The following CDIN1 variants were observed in gnomAD, a reference collection of about 807,000 sequenced individuals.
CDIN1 encodes CDAN1-interacting nuclease 1.
In CDIN1, 33 loss-of-function variants were observed where a neutral mutation model predicts 45.3. The observed-to-expected ratio is 0.73, with a 90% CI of 0.55 to 0.97. The LOEUF is 0.97. Among genes scored for constraint, CDIN1 ranks in the 50% least tolerant of loss-of-function variants. The pLI is 0.00. For synonymous variants in CDIN1, 118 were observed against 124.4 expected, an observed-to-expected ratio of 0.95 and a Z score of 0.34; for missense variants, 303 against 339.4, an observed-to-expected ratio of 0.89 and a Z score of 0.84.
intron 1 of CDIN1, among the ~76,000 whole-genome samples, chr15:36,625,543 G>T (rs920771697): frequency 6.6e-6 from 1 of 152,102 alleles, no homozygotes; most frequent in Non-Finnish European, 1.5e-5. Context: ...TTGAAATTTA[G>T]GGGAAAAAAT....
chr15:36,791,537 A>T (rs2054645747), intron 10 of CDIN1, among the ~76,000 whole-genome samples: 1 of 152,218 alleles, frequency 6.6e-6, no homozygotes, highest in South Asian at 2.1e-4. Context: ...TATGGATTTT[A>T]TTATACCATA....
At chr15:36,725,773 C>T (rs974679794) in intron 10 of CDIN1, among the ~76,000 whole-genome samples, 3 of 151,888 alleles carry the variant, frequency 2.0e-5, no homozygotes, top group Non-Finnish European at 4.4e-5. Flanking sequence ...TTTAGTATAT[C>T]ATGGTGGCAT....
At chr15:36,762,882 C>T (rs1405149744) in intron 10 of CDIN1, among the ~76,000 whole-genome samples, 1 of 152,088 alleles carries the variant, frequency 6.6e-6, no homozygotes, top group Non-Finnish European at 1.5e-5. Context: ...TTTCTTAATC[C>T]AGTCTATCAT....
intron 1 of CDIN1, chr15:36,613,966 C>G (rs2038769916): frequency 6.5e-7 from 1 of 1,537,136 alleles, no homozygotes; most frequent in Admixed American, 1.7e-5. Context: ...ACTGATGGAC[C>G]AGAACCTGAA....
chr15:36,764,498 A>T (rs149251790), intron 10 of CDIN1, among the ~76,000 whole-genome samples: 1 of 152,174 alleles, frequency 6.6e-6, no homozygotes, highest in Non-Finnish European at 1.5e-5. Flanking sequence ...ATGGGGTTGT[A>T]TGGAAAAAAG....
intron 10 of CDIN1, among the ~76,000 whole-genome samples, chr15:36,794,061 A>T (rs369038487): frequency 1.1e-3 from 135 of 121,278 alleles, no homozygotes; most frequent in African/African-American, 2.0e-3. Context: ...CATCATAACT[A>T]TTTTTTTTTT....
intron 10 of CDIN1, among the ~76,000 whole-genome samples, chr15:36,788,267 C>A (rs144787179): frequency 6.6e-6 from 1 of 151,498 alleles, no homozygotes; most frequent in South Asian, 2.1e-4. Context: ...CAGGCATGCG[C>A]CACCACACCT....
At chr15:36,776,806 A>G (rs1215719910) in intron 10 of CDIN1, among the ~76,000 whole-genome samples, 1 of 152,196 alleles carries the variant, frequency 6.6e-6, no homozygotes. Context: ...GTCGCCCAAC[A>G]TAGTGATCTC....
At chr15:36,612,662 A>T (rs114864875) in intron 1 of CDIN1, among the ~76,000 whole-genome samples, 1,858 of 152,216 alleles carry the variant, frequency 0.012, 32 homozygotes, top group African/African-American at 0.042. Flanking sequence ...GAGCGTCTTT[A>T]CTTCCCTGGT....
intron 8 of CDIN1, among the ~76,000 whole-genome samples, chr15:36,698,110 G>A (rs1448746702): frequency 5.9e-5 from 9 of 152,096 alleles, no homozygotes; most frequent in Admixed American, 5.9e-4. Flanking sequence ...TGAAGAGTCT[G>A]CATGATGTTT....
chr15:36,610,809 A>G (rs946468988), intron 1 of CDIN1, among the ~76,000 whole-genome samples: 7 of 152,182 alleles, frequency 4.6e-5, no homozygotes, highest in Admixed American at 6.5e-5. Flanking sequence ...AATATTGGCA[A>G]TTTTCTTCTG....
chr15:36,716,354 A>C (rs555781540), intron 10 of CDIN1, among the ~76,000 whole-genome samples: 1 of 152,258 alleles, frequency 6.6e-6, no homozygotes, highest in South Asian at 2.1e-4. Flanking sequence ...CCGTTCTAGG[A>C]ATGGAAACAC....
At chr15:36,801,163 A>G (rs2141130142) in intron 10 of CDIN1, among the ~76,000 whole-genome samples, 1 of 151,332 alleles carries the variant, frequency 6.6e-6, no homozygotes, top group South Asian at 2.1e-4. Context: ...ATATTGTAGG[A>G]CTCTACTGCA....
At chr15:36,806,582 T>A (rs1330834659) in intron 10 of CDIN1, among the ~76,000 whole-genome samples, 1 of 152,188 alleles carries the variant, frequency 6.6e-6, no homozygotes, top group African/African-American at 2.4e-5. Flanking sequence ...ATGTTAGATC[T>A]GTCAAGGCCG....
chr15:36,602,510 G>A (rs1481934923), intron 1 of CDIN1, among the ~76,000 whole-genome samples: 1 of 152,164 alleles, frequency 6.6e-6, no homozygotes, highest in Non-Finnish European at 1.5e-5. Context: ...ATAAATTCTA[G>A]AGACATAATT....
intron 10 of CDIN1, among the ~76,000 whole-genome samples, chr15:36,796,047 T>C (rs2054787195): frequency 6.6e-6 from 1 of 152,206 alleles, no homozygotes; most frequent in Admixed American, 6.5e-5. Flanking sequence ...GACCTTGTAT[T>C]GCCTTTGGTT....
At chr15:36,631,932 G>C (rs1399470730) in intron 1 of CDIN1, among the ~76,000 whole-genome samples, 1 of 152,204 alleles carries the variant, frequency 6.6e-6, no homozygotes, top group Non-Finnish European at 1.5e-5. Context: ...CTGGGCTCAA[G>C]TGATCTCCCC....
At chr15:36,749,452 C>T (rs1023101885) in intron 10 of CDIN1, among the ~76,000 whole-genome samples, 2 of 152,118 alleles carry the variant, frequency 1.3e-5, no homozygotes, top group Non-Finnish European at 2.9e-5. Context: ...CATTTAAGCT[C>T]ACCAAGGTTT....
chr15:36,607,785 G>A (rs2038449543), intron 1 of CDIN1, among the ~76,000 whole-genome samples: 1 of 151,894 alleles, frequency 6.6e-6, no homozygotes, highest in Non-Finnish European at 1.5e-5. Flanking sequence ...ACAAACTTGG[G>A]CATCCATCAC....
Sources: gnomAD v4.1 joint callset for allele counts (sites outside exome capture counted in the v4.1 genomes callset) on GRCh38, gnomAD v4.1.1 for gene constraint, MANE v1.5 for transcripts, NCBI Gene and HGNC (gene_info 2026-07-23, HGNC 2026-07-21) for gene names.